Variants in RALYL observed in about 807,000 individuals in gnomAD.
RALYL encodes the protein RALY RNA binding protein like, also known as RNA-binding Raly-like protein.
RALYL carries 29 observed loss-of-function variants against 35.1 expected under a neutral mutation model. The observed-to-expected ratio is 0.83, with a 90% confidence interval of 0.61 to 1.13. The LOEUF (loss-of-function observed/expected upper bound fraction) is 1.13, where lower values mean the gene tolerates loss of function less well. RALYL is among the 50% of genes most tolerant of loss of function. The pLI is 0.00. For missense variants in RALYL, 359 were observed against 360.4 expected (o/e 1.00, Z 0.03); for synonymous variants, 120 against 127.6 (o/e 0.94, Z 0.40).
chr8:84,762,017 A>G (rs1255819359), intron 2 of RALYL, among the ~76,000 whole-genome samples: 1 of 152,042 alleles, frequency 6.6e-6, no homozygotes, highest in African/African-American at 2.4e-5. Flanking sequence ...TGGAGAGAGC[A>G]GGCCAGGGGA....
At chr8:84,352,239 G>A (rs1455072965) in intron 1 of RALYL, among the ~76,000 whole-genome samples, 12 of 150,054 alleles carry the variant, frequency 8.0e-5, no homozygotes, top group Admixed American at 7.9e-4. Context: ...GATTTCCCAT[G>A]CTTTGGATTT....
intron 1 of RALYL, among the ~76,000 whole-genome samples, chr8:84,345,390 T>G (rs1849650073): frequency 6.6e-6 from 1 of 152,076 alleles, no homozygotes; most frequent in African/African-American, 2.4e-5. Flanking sequence ...TTAGAAATAC[T>G]TCATCATGGA....
At chr8:84,266,422 A>G (rs1833306105) in intron 1 of RALYL, among the ~76,000 whole-genome samples, 1 of 152,208 alleles carries the variant, frequency 6.6e-6, no homozygotes, top group African/African-American at 2.4e-5. Context: ...CAATGAAATC[A>G]TGTTTCCTTT....
At chr8:84,811,061 GTTTT>G (rs921607559) in intron 4 of RALYL, among the ~76,000 whole-genome samples, 4 of 151,056 alleles carry the variant, frequency 2.6e-5, no homozygotes, top group South Asian at 2.1e-4. Flanking sequence ...CCTTGGTTTT[GTTTT>G]TTGTTTTTTT....
At chr8:84,300,918 C>G (rs569090599) in intron 1 of RALYL, among the ~76,000 whole-genome samples, 2 of 151,882 alleles carry the variant, frequency 1.3e-5, no homozygotes, top group Non-Finnish European at 2.9e-5. Context: ...TGGATTTGAC[C>G]CTGTCATCCT....
At chr8:84,220,584 C>G (rs536168268) in intron 1 of RALYL, among the ~76,000 whole-genome samples, 1 of 152,062 alleles carries the variant, frequency 6.6e-6, no homozygotes, top group African/African-American at 2.4e-5. Context: ...CAAATGTCTT[C>G]CTGATTTTTA....
chr8:84,310,716 T>C (rs1842600230), intron 1 of RALYL, among the ~76,000 whole-genome samples: 1 of 152,186 alleles, frequency 6.6e-6, no homozygotes, highest in African/African-American at 2.4e-5. Flanking sequence ...GAATTTTTTG[T>C]AAGGCAGAAG....
At chr8:84,821,653 G>A (rs1828561768) in intron 4 of RALYL, among the ~76,000 whole-genome samples, 1 of 152,122 alleles carries the variant, frequency 6.6e-6, no homozygotes, top group Non-Finnish European at 1.5e-5. Context: ...CTCAAAATGT[G>A]ACCTTTTCAA....
intron 5 of RALYL, among the ~76,000 whole-genome samples, chr8:84,853,819 CT>C (rs1249572997): frequency 1.3e-5 from 2 of 151,692 alleles, no homozygotes; most frequent in East Asian, 3.9e-4. Context: ...AAGTTACGGT[CT>C]TCTTGCATTT....
intron 1 of RALYL, among the ~76,000 whole-genome samples, chr8:84,401,708 G>A (rs2042930072): frequency 7.4e-6 from 1 of 135,988 alleles, no homozygotes; most frequent in Admixed American, 7.6e-5. Flanking sequence ...TAGGGATATT[G>A]TTAAACATCA....
chr8:84,540,235 C>G (rs922704886), intron 2 of RALYL, among the ~76,000 whole-genome samples: 1 of 151,412 alleles, frequency 6.6e-6, no homozygotes, highest in Admixed American at 6.6e-5. Context: ...TATTGAAGAG[C>G]AATCATGATG....
intron 2 of RALYL, among the ~76,000 whole-genome samples, chr8:84,656,260 GAC>G: frequency 6.6e-6 from 1 of 152,206 alleles, no homozygotes; most frequent in Admixed American, 6.5e-5. Flanking sequence ...CAGGCCCCAA[GAC>G]AAGTCCCTTT....
At chr8:84,560,739 G>A (rs986084162) in intron 2 of RALYL, among the ~76,000 whole-genome samples, 39 of 151,720 alleles carry the variant, frequency 2.6e-4, no homozygotes, top group South Asian at 2.1e-4. Flanking sequence ...AGGTAGACAC[G>A]GATGCTTGGG....
At chr8:84,623,699 A>T (rs1232767789) in intron 2 of RALYL, among the ~76,000 whole-genome samples, 4 of 152,088 alleles carry the variant, frequency 2.6e-5, no homozygotes, top group African/African-American at 7.2e-5. Context: ...ATCATGTGGG[A>T]GTTGATGGTG....
At position 84,887,494 on chromosome 8, in the gene RALYL, C is replaced by T. The variant is rs977902788; in HGVS notation, c.686-110C>T. Reference sequence around the variant, plus strand: ...ATAATATTACCTTACCTTCTGTACACCTTTAATAGCATATAGCGTTTACCC... The same window carrying T: ...ATAATATTACCTTACCTTCTGTACATCTTTAATAGCATATAGCGTTTACCC... On this transcript the variant is annotated intron_variant, in intron 7 of 8. Coordinates refer to ENST00000521268, the MANE Select transcript of RALYL (RefSeq NM_173848.7). The T allele has an allele frequency of 5.8e-6, 5 of 868,458 alleles. No homozygotes were observed. The East Asian group carries it at 1.3e-4, about 22-fold the overall frequency. The allele number at this position is 868,458 out of a possible 1,614,324, so 53.8% of individuals were successfully genotyped here. A position where few individuals can be genotyped will look rare whatever the true frequency, so the allele number is the denominator to read the frequency against.
chr8:84,455,752 G>T (rs1404980472), intron 1 of RALYL, among the ~76,000 whole-genome samples: 3 of 151,910 alleles, frequency 2.0e-5, no homozygotes, highest in Non-Finnish European at 4.4e-5. Flanking sequence ...GATTAACTGG[G>T]CTGAAATAAT....
At chr8:84,530,326 A>T (rs894471751) in intron 2 of RALYL, among the ~76,000 whole-genome samples, 2 of 152,114 alleles carry the variant, frequency 1.3e-5, no homozygotes, top group East Asian at 3.9e-4. Flanking sequence ...TTCTGTCTAG[A>T]TTAATATATC....
intron 1 of RALYL, among the ~76,000 whole-genome samples, chr8:84,401,651 AAAAAAAAAAAAAAAAAAG>A (rs942312895): frequency 6.8e-6 from 1 of 146,864 alleles, no homozygotes; most frequent in Non-Finnish European, 1.5e-5. Context: ...AAAAAAAAAA[AAAAAAAAAAAAAAAAAAG>A]ACCTTACTAT....
chr8:84,277,202 A>G (rs1380722212), intron 1 of RALYL, among the ~76,000 whole-genome samples: 1 of 152,206 alleles, frequency 6.6e-6, no homozygotes, highest in Non-Finnish European at 1.5e-5. Context: ...ATGGCTTGGG[A>G]GGCCTCACAG....
Sources: gnomAD v4.1 joint callset for allele counts (sites outside exome capture counted in the v4.1 genomes callset) on GRCh38, gnomAD v4.1.1 for gene constraint, MANE v1.5 for transcripts, NCBI Gene and HGNC (gene_info 2026-07-23, HGNC 2026-07-21) for gene names.